The following NR1I2 variants were observed in gnomAD, a reference collection of about 807,000 sequenced individuals.
The protein encoded by NR1I2 is nuclear receptor subfamily 1 group I member 2.
Under a neutral mutation model 43.3 loss-of-function variants are expected in NR1I2, and 42 were observed. That is an observed-to-expected ratio of 0.97 (90% CI 0.76 to 1.26). NR1I2 has a LOEUF of 1.26. Ranked by LOEUF, NR1I2 falls within the 50% of genes most tolerant of loss-of-function variation. NR1I2 has a pLI of 0.00. For synonymous variants in NR1I2, 229 were observed against 215.0 expected (o/e 1.06, Z -0.57); for missense variants, 559 against 566.7 (o/e 0.99, Z 0.14).
At chr3:119,793,791 A>G (rs890502411) in intron 1 of NR1I2, among the ~76,000 whole-genome samples, 1 of 152,214 alleles carries the variant, frequency 6.6e-6, no homozygotes, top group African/African-American at 2.4e-5. Context: ...GGGTGCAGAC[A>G]TCTTTGAGGG....
intron 1 of NR1I2, among the ~76,000 whole-genome samples, chr3:119,788,215 G>A (rs953528055): frequency 2.6e-5 from 4 of 152,208 alleles, no homozygotes; most frequent in African/African-American, 9.6e-5. Flanking sequence ...CTGGGCTCAA[G>A]TGATCCTCCC....
At chr3:119,814,627 G>A (rs1405140588) in intron 5 of NR1I2, among the ~76,000 whole-genome samples, 2 of 152,192 alleles carry the variant, frequency 1.3e-5, no homozygotes, top group African/African-American at 4.8e-5. Context: ...GGAAACTGAG[G>A]CAGAAAGGAG....
At chr3:119,787,389 G>A (rs954925400) in intron 1 of NR1I2, among the ~76,000 whole-genome samples, 2 of 151,860 alleles carry the variant, frequency 1.3e-5, no homozygotes, top group African/African-American at 4.8e-5. Context: ...GAACTGCCCT[G>A]CCCCCGACTC....
rs758865308 is a variant in NR1I2, at chr3:119,815,801, T to C, written c.1130T>C (p.Ile377Thr). Residue 377 changes from isoleucine to threonine, a missense_variant, in exon 8 of 9, where the codon ATT becomes ACT. Ile to Thr is a moderately conservative substitution (Grantham distance 89, BLOSUM62 -1). This residue lies in a region of NR1I2 where 323 missense variants were observed against 312.2 expected (regional missense o/e 1.03). Coordinates refer to ENST00000393716, the MANE Select transcript of NR1I2 (RefSeq NM_003889.4). ...TTCGCCATTACTCTGAAGTCCTACATTGAATGCAATCGGCCCCAGCCTGCT... is the reference window on the plus strand; with the variant it reads ...TTCGCCATTACTCTGAAGTCCTACACTGAATGCAATCGGCCCCAGCCTGCT... 9 of 1,612,944 alleles carry C rather than the reference T, an allele frequency of 5.6e-6. No homozygotes were observed. The highest frequency in any genetic ancestry group is 3.3e-5 in the Admixed American group (2 of 59,884).
chr3:119,789,059 G>A (rs768587160), intron 1 of NR1I2, among the ~76,000 whole-genome samples: 10 of 152,262 alleles, frequency 6.6e-5, no homozygotes, highest in Non-Finnish European at 1.3e-4. Flanking sequence ...GAAAGCTGGA[G>A]CATCACTCTC....
rs1043382466 is a variant in NR1I2, at chr3:119,818,425, T to C, written c.*1213T>C. The C allele has an allele frequency of 2.1e-5, 21 of 985,234 alleles. No individual in the cohort carries two copies. Among genetic ancestry groups the C allele is most frequent in the Non-Finnish European group, 2.5e-5 (21 of 829,876 alleles). 61.0% of individuals were successfully genotyped at this position (985,234 alleles called of 1,614,324 possible). The stretch of plus-strand genomic sequence containing the variant: ...ACACCTAAGAACTAGTTTTGGGAAA[T>C]GTAGCCCTGGGTTTAATGTCAAATC... On this transcript the variant is annotated 3_prime_UTR_variant, in exon 9 of 9. Coordinates refer to ENST00000393716, the MANE Select transcript of NR1I2 (RefSeq NM_003889.4).
chr3:119,794,009 GT>G (rs1437050632), intron 1 of NR1I2, among the ~76,000 whole-genome samples: 1 of 152,010 alleles, frequency 6.6e-6, no homozygotes, highest in Non-Finnish European at 1.5e-5. Context: ...GTAATTGCGT[GT>G]TTTTTAAAAT....
chr3:119,794,367 A>T (rs2107953845), intron 1 of NR1I2, among the ~76,000 whole-genome samples: 1 of 150,566 alleles, frequency 6.6e-6, no homozygotes, highest in Non-Finnish European at 1.5e-5. Context: ...TAATTTTTAA[A>T]TTTTTTTGTA....
At chr3:119,791,210 G>A (rs1299555801) in intron 1 of NR1I2, among the ~76,000 whole-genome samples, 2 of 152,160 alleles carry the variant, frequency 1.3e-5, no homozygotes, top group East Asian at 3.8e-4. Flanking sequence ...CTTGTCCCTG[G>A]GACAGAGCAA....
In NR1I2 at chr3:119,810,155, C is replaced by T. The variant is rs72551371; in HGVS notation, c.292C>T (p.Arg98Cys). The change falls in exon 3 of 9, where the codon CGC becomes TGC. Residue 98 changes from arginine (R) to cysteine (C), a missense_variant. By Grantham distance (180) the Arg-to-Cys change is radical. Transcript: ENST00000393716. ...GACCCGGCGACAGTGCCAGGCCTGC[C>T]GCCTGCGCAAGTGCCTGGAGAGCGG... 3 of 1,612,562 alleles carry T rather than the reference C, an allele frequency of 1.9e-6. No individual in the cohort carries two copies. Among genetic ancestry groups the T allele is most frequent in the African/African-American group, 2.7e-5 (2 of 74,930 alleles).
chr3:119,818,249 C>G lies in NR1I2; in HGVS notation c.*1037C>G. On this transcript the variant is annotated 3_prime_UTR_variant, in exon 9 of 9. Coordinates refer to ENST00000393716, the MANE Select transcript of NR1I2 (RefSeq NM_003889.4). The stretch of plus-strand genomic sequence containing the variant: ...TACGCTGACAATCAGTTAAACACAC[C>G]GGAGAAGAACCATTTACATGCACCT... 2.5e-5 allele frequency: 25 copies of G among 985,492 alleles called. No homozygotes were observed. Among genetic ancestry groups the G allele is most frequent in the Non-Finnish European group, 3.0e-5 (25 of 829,936 alleles). The allele number at this position is 985,492 out of a possible 1,614,324, so 61.0% of individuals were successfully genotyped here.
chr3:119,790,624 T>A (rs1316337303), intron 1 of NR1I2, among the ~76,000 whole-genome samples: 1 of 152,238 alleles, frequency 6.6e-6, no homozygotes, highest in Admixed American at 6.5e-5. Flanking sequence ...TGTTTCATTA[T>A]GGTTTCCCTT....
At position 119,815,363 on chromosome 3, in the gene NR1I2, C is replaced by T; in HGVS notation, c.978C>T (p.Phe326=). 2 of 1,613,986 alleles carry T rather than the reference C, an allele frequency of 1.2e-6. No homozygotes were observed. The highest frequency in any genetic ancestry group is 1.7e-6 in the Non-Finnish European group (2 of 1,180,026). Residue 326 remains phenylalanine (F), a synonymous_variant, in exon 7 of 9, where the codon TTC becomes TTT. Transcript: ENST00000393716. ...TTCTACTGGAGCCCATGCTGAAATTCCACTACATGCTGAAGAAGCTGCAGC... is the reference window on the plus strand; with the variant it reads ...TTCTACTGGAGCCCATGCTGAAATTTCACTACATGCTGAAGAAGCTGCAGC...
chr3:119,782,578 T>C, intron 1 of NR1I2: 1 of 600,150 alleles, frequency 1.7e-6, no homozygotes, highest in East Asian at 2.8e-5. Flanking sequence ...CTGCATGAGT[T>C]ACCACAAGTC....
At chr3:119,799,154 G>T (rs1442748290) in intron 1 of NR1I2, among the ~76,000 whole-genome samples, 1 of 152,168 alleles carries the variant, frequency 6.6e-6, no homozygotes, top group African/African-American at 2.4e-5. Context: ...TTACACTCCT[G>T]CTAGCAGTGC....
In NR1I2 at chr3:119,792,990, T is replaced by A. The variant is rs1417166988; in HGVS notation, c.-23+10690T>A. Among the ~76,000 whole-genome samples, 3 of 152,072 alleles carry A rather than the reference T, an allele frequency of 2.0e-5. No individual in the cohort carries two copies. In the East Asian group the frequency reaches 5.8e-4, roughly 29 times the overall value. Reference sequence around the variant, plus strand: ...CTCATGACTGGTTTGGTACCCTCGGTAATGAGTGATTCTCACTCTTAGTTC... The same window carrying A: ...CTCATGACTGGTTTGGTACCCTCGGAAATGAGTGATTCTCACTCTTAGTTC... On this transcript the variant is annotated intron_variant, in intron 1 of 8. Transcript: ENST00000393716.
chr3:119,797,980 TA>T (rs1481891942), intron 1 of NR1I2, among the ~76,000 whole-genome samples: 3 of 152,188 alleles, frequency 2.0e-5, no homozygotes, highest in Non-Finnish European at 2.9e-5. Flanking sequence ...TCTTTGTGGT[TA>T]ATTTTTTTTT....
At position 119,815,344 on chromosome 3, in the gene NR1I2, T is replaced by C; in HGVS notation, c.959T>C (p.Leu320Pro). The C allele has an allele frequency of 6.2e-7, 1 of 1,614,046 alleles. No individual in the cohort carries two copies. The highest frequency in any genetic ancestry group is 8.5e-7 in the Non-Finnish European group (1 of 1,180,006). Reference sequence around the variant, plus strand: ...ACAGGTGGCTTCCAGCAACTTCTACTGGAGCCCATGCTGAAATTCCACTAC... The same window carrying C: ...ACAGGTGGCTTCCAGCAACTTCTACCGGAGCCCATGCTGAAATTCCACTAC... The change falls in exon 7 of 9, where the codon CTG (leucine) becomes CCG (proline). Residue 320 changes from leucine (L) to proline (P), a missense_variant. Coordinates refer to ENST00000393716, the MANE Select transcript of NR1I2 (RefSeq NM_003889.4).
At chr3:119,804,259 C>T (rs1446122167) in intron 1 of NR1I2, among the ~76,000 whole-genome samples, 4 of 150,032 alleles carry the variant, frequency 2.7e-5, no homozygotes, top group East Asian at 4.0e-4. Context: ...CCTGTAGTCC[C>T]AGCTACTCGG....
Sources: gnomAD v4.1 joint callset for allele counts (sites outside exome capture counted in the v4.1 genomes callset) on GRCh38, gnomAD v4.1.1 for gene constraint, gnomAD v4.1.1 regional missense constraint, MANE v1.5 for transcripts, NCBI Gene and HGNC (gene_info 2026-07-23, HGNC 2026-07-21) for gene names.